The following TADA1 variants were observed in gnomAD, a reference collection of about 807,000 sequenced individuals.
The protein encoded by TADA1 is transcriptional adaptor 1, also known as transcriptional adapter 1.
In TADA1, 23 loss-of-function variants were observed where a neutral mutation model predicts 39.3. That is an observed-to-expected ratio of 0.58 (90% CI 0.42 to 0.83). The LOEUF (loss-of-function observed/expected upper bound fraction) is 0.83. Among genes scored for constraint, TADA1 ranks in the 40% least tolerant of loss-of-function variants. The probability of loss-of-function intolerance (pLI) is 0.00; values close to 1 mark genes in which losing one functional copy is unlikely to be tolerated. For missense variants in TADA1, 352 were observed against 408.1 expected, an observed-to-expected ratio of 0.86 and a Z score of 1.18; for synonymous variants, 137 against 151.8, an observed-to-expected ratio of 0.90 and a Z score of 0.72.
intron 7 of TADA1, 77 bp from the exon 8 acceptor site, chr1:166,857,796 C>T: frequency 6.9e-7 from 1 of 1,448,052 alleles, no homozygotes; most frequent in Non-Finnish European, 9.5e-7. Context: ...GGGTTTATAT[C>T]AACAAAACAT....
At position 166,869,470 on chromosome 1, in the gene TADA1, A is replaced by C; in HGVS notation, c.207T>G (p.Arg69=). The change falls in exon 3 of 8, where the codon CGT becomes CGG. Residue 69 remains arginine, a synonymous_variant. Coordinates refer to ENST00000367874, the MANE Select transcript of TADA1 (RefSeq NM_053053.4). ...HNDFLLAILT[R]CQILVSTPDG... ...CTGGTGTAGAAACCAAAATCTGACAACGCGTGAGAATGGCCAGGAGGAAAT... is the reference window on the plus strand; with the variant it reads ...CTGGTGTAGAAACCAAAATCTGACACCGCGTGAGAATGGCCAGGAGGAAAT... The C allele has an allele frequency of 6.2e-7, 1 of 1,613,774 alleles. No individual in the cohort carries two copies. Among genetic ancestry groups the C allele is most frequent in the Non-Finnish European group, 8.5e-7 (1 of 1,179,764 alleles).
Position 166,860,251 on chromosome 1 carries a change from G to A in TADA1, c.627C>T (p.Gly209=), listed in dbSNP as rs1476277311. 5.0e-6 allele frequency: 8 copies of A among 1,613,958 alleles called. No homozygotes were observed. The Admixed American group carries it at 1.3e-4, about 27-fold the overall frequency. Reference sequence around the variant, plus strand: ...GGTATGGCTGCGGGGTCACGTTACTGCCAAAGGCATATTTAAAATGACCAT... The same window carrying A: ...GGTATGGCTGCGGGGTCACGTTACTACCAAAGGCATATTTAAAATGACCAT... ...LRDGHFKYAF[G]SNVTPQPYLK... is the part of the protein sequence containing the mutation. Residue 209 remains glycine, a synonymous_variant, in exon 6 of 8, where the codon GGC becomes GGT. Coordinates refer to ENST00000367874, the MANE Select transcript of TADA1 (RefSeq NM_053053.4).
chr1:166,873,819 G>C (rs1658707562), intron 1 of TADA1, among the ~76,000 whole-genome samples: 1 of 152,080 alleles, frequency 6.6e-6, no homozygotes, highest in Non-Finnish European at 1.5e-5. Context: ...GTCGGCTTTG[G>C]CCTTTAAAAA....
At chr1:166,866,735 AT>A (rs1191872597) in intron 3 of TADA1, among the ~76,000 whole-genome samples, 1 of 149,864 alleles carries the variant, frequency 6.7e-6, no homozygotes, top group African/African-American at 2.4e-5. Flanking sequence ...TTGTTTGGCA[AT>A]TTTTTTTATT....
Position 166,860,325 on chromosome 1 carries a change from C to T in TADA1, c.553G>A (p.Asp185Asn). 1 of 1,599,180 alleles carries T rather than the reference C, an allele frequency of 6.3e-7. No individual in the cohort carries two copies. The highest frequency in any genetic ancestry group is 8.5e-7 in the Non-Finnish European group (1 of 1,174,204). Residue 185 changes from aspartate to asparagine, a missense_variant, in exon 6 of 8, where the codon GAT becomes AAT. This residue lies in a region of TADA1 where 285 missense variants were observed against 310.9 expected (regional missense o/e 0.92). Transcript: ENST00000367874. ...CTTGACACAACTGACGTCAGTATATCTTTAAGGTGATTCTGTAAACATACA... is the reference window on the plus strand; with the variant it reads ...CTTGACACAACTGACGTCAGTATATTTTTAAGGTGATTCTGTAAACATACA... ...VVYAVENHLK[D>N]ILTSVVSRRK...
chr1:166,860,460 T>C (rs2101786934), intron 5 of TADA1, 123 bp from the exon 6 acceptor site: 1 of 902,096 alleles, frequency 1.1e-6, no homozygotes, highest in South Asian at 2.0e-5. Context: ...TAGTATATGC[T>C]AGAACCAAAT....
rs373569527 is a variant in TADA1 at position 166,858,316 on chromosome 1, A to C, written c.693-35T>G. 7 of 1,489,610 alleles carry C rather than the reference A, an allele frequency of 4.7e-6. No homozygotes were observed. In the African/African-American group the frequency reaches 7.2e-5, roughly 15 times the overall value. The allele number at this position is 1,489,610 out of a possible 1,614,324, so 92.3% of individuals were successfully genotyped here. On this transcript the variant is annotated intron_variant, in intron 6 of 7. Coordinates refer to ENST00000367874, the MANE Select transcript of TADA1 (RefSeq NM_053053.4). Reference sequence around the variant, plus strand: ...AAAATTTCAGAAATAGTCCCAGCACAGAGACAACTGAGCAACAAGGACAGG... The same window carrying C: ...AAAATTTCAGAAATAGTCCCAGCACCGAGACAACTGAGCAACAAGGACAGG...
chr1:166,864,463 A>T (rs1324803597), intron 3 of TADA1, among the ~76,000 whole-genome samples: 1 of 152,232 alleles, frequency 6.6e-6, no homozygotes, highest in Non-Finnish European at 1.5e-5. Context: ...CAAGTGAGGC[A>T]GAAGCACGTC....
chr1:166,869,424 G>A lies in TADA1; in HGVS notation c.232+21C>T, dbSNP rs898772075. The A allele has an allele frequency of 6.9e-6, 11 of 1,597,614 alleles. No homozygotes were observed. In the South Asian group the frequency reaches 8.8e-5, roughly 13 times the overall value. On this transcript the variant is annotated intron_variant, in intron 3 of 7. Transcript: ENST00000367874. ...GTGCTTTGCTGACTTACACACACTG[G>A]AAGTATTTCCACTCCCTTACCTGGT...
chr1:166,866,973 G>A (rs993969163), intron 3 of TADA1, among the ~76,000 whole-genome samples: 10 of 152,114 alleles, frequency 6.6e-5, no homozygotes, highest in Admixed American at 5.2e-4. Flanking sequence ...TTGAACTCCT[G>A]ACTTCAGGTG....
Position 166,857,563 on chromosome 1 carries a change from T to G in TADA1, c.*4A>C. On this transcript the variant is annotated 3_prime_UTR_variant, in exon 8 of 8. Transcript: ENST00000367874. ...GTGAGGGTCCCACACCCTCAAATCC[T>G]AATTTAGCACAGCAAAAGCCCCTCC... 1.2e-6 allele frequency: 2 copies of G among 1,613,678 alleles called. No homozygotes were observed. The highest frequency in any genetic ancestry group is 1.7e-6 in the Non-Finnish European group (2 of 1,179,900).
At chr1:166,865,785 C>G (rs887625160) in intron 3 of TADA1, among the ~76,000 whole-genome samples, 5 of 151,526 alleles carry the variant, frequency 3.3e-5, no homozygotes, top group Middle Eastern at 3.2e-3. Flanking sequence ...CACCACTGCA[C>G]TCCAGCATGG....
chr1:166,857,900 GA>G (rs1180944846), intron 7 of TADA1, among the ~76,000 whole-genome samples, 181 bp from the exon 8 acceptor site: 4 of 152,152 alleles, frequency 2.6e-5, no homozygotes, highest in Admixed American at 2.6e-4. Flanking sequence ...AGGAATAGCA[GA>G]ACAAGGGATT....
At position 166,857,553 on chromosome 1, in the gene TADA1, C is replaced by G. The variant is rs1658304808; in HGVS notation, c.*14G>C. 6.2e-7 allele frequency: 1 copy of G among 1,613,122 alleles called. No individual in the cohort carries two copies. Among genetic ancestry groups the G allele is most frequent in the African/African-American group, 1.3e-5 (1 of 74,966 alleles). The stretch of plus-strand genomic sequence containing the variant: ...AATGAATTCGGTGAGGGTCCCACAC[C>G]CTCAAATCCTAATTTAGCACAGCAA... On this transcript the variant is annotated 3_prime_UTR_variant, in exon 8 of 8. Transcript: ENST00000367874.
chr1:166,861,668 G>C (rs1205155774), intron 5 of TADA1, among the ~76,000 whole-genome samples: 1 of 152,146 alleles, frequency 6.6e-6, no homozygotes, highest in Non-Finnish European at 1.5e-5. Flanking sequence ...AGATCAACCA[G>C]AAGAGTTATG....
At chr1:166,858,836 C>T (rs189783656) in intron 6 of TADA1, among the ~76,000 whole-genome samples, 13 of 152,312 alleles carry the variant, frequency 8.5e-5, no homozygotes, top group African/African-American at 3.1e-4. Context: ...AAAGCAGTAA[C>T]TCAGAGGAAA....
chr1:166,862,113 T>G, intron 5 of TADA1, 90 bp downstream of exon 5: 1 of 1,242,300 alleles, frequency 8.0e-7, no homozygotes, highest in South Asian at 1.3e-5. Flanking sequence ...GAGTGACATT[T>G]GGATTCTTTT....
At chr1:166,859,917 C>A (rs183771712) in intron 6 of TADA1, among the ~76,000 whole-genome samples, 2 of 152,290 alleles carry the variant, frequency 1.3e-5, no homozygotes, top group East Asian at 1.9e-4. Context: ...ATGCACTACT[C>A]CACTGCACCT....
chr1:166,867,340 CAAAAT>C (rs879346520), intron 3 of TADA1, among the ~76,000 whole-genome samples: 2 of 152,060 alleles, frequency 1.3e-5, no homozygotes, highest in Non-Finnish European at 1.5e-5. Flanking sequence ...TTTTATGTAA[CAAAAT>C]AGATTATGAT....
Sources: allele counts gnomAD v4.1 joint callset (sites outside exome capture counted in the v4.1 genomes callset), GRCh38; gene constraint gnomAD v4.1.1; regional missense constraint gnomAD v4.1.1; transcripts MANE v1.5; gene names NCBI Gene and HGNC (gene_info 2026-07-23, HGNC 2026-07-21).